SUN2: variants seen among roughly 807,000 people sequenced by gnomAD.
SUN2 encodes SUN domain-containing protein 2.
In SUN2, 60 loss-of-function variants were observed where a neutral mutation model predicts 100.0. The ratio of observed to expected loss-of-function variants is 0.60; its 90% CI spans 0.49 to 0.74. The LOEUF (loss-of-function observed/expected upper bound fraction) is 0.74, where lower values mean the gene tolerates loss of function less well. Ranked by LOEUF, SUN2 falls within the 30% of genes least tolerant of loss-of-function variation. The probability of loss-of-function intolerance (pLI) is 0.00; values close to 1 mark genes in which losing one functional copy is unlikely to be tolerated. For synonymous variants in SUN2, 367 were observed against 403.3 expected, an observed-to-expected ratio of 0.91 and a Z score of 1.08; for missense variants, 834 against 954.6, an observed-to-expected ratio of 0.87 and a Z score of 1.66.
In SUN2 at chr22:38,749,757, C is replaced by G; in HGVS notation, c.614+9G>C. 6.2e-7 allele frequency: 1 copy of G among 1,613,944 alleles called. No individual in the cohort carries two copies. The highest frequency in any genetic ancestry group is 1.7e-5 in the Admixed American group (1 of 60,000). On this transcript the variant is annotated intron_variant, in intron 6 of 17. Transcript: ENST00000689035. ...TGCGATTTATTGGCAAGGGTGGAGTCTCGCTCACCTGGTTAAAACGAAGAC... is the reference window on the plus strand; with the variant it reads ...TGCGATTTATTGGCAAGGGTGGAGTGTCGCTCACCTGGTTAAAACGAAGAC...
intron 8 of SUN2, chr22:38,743,908 C>T (rs138711): frequency 0.48 from 72,653 of 151,936 alleles, 19,914 homozygotes; most frequent in African/African-American, 0.77. Flanking sequence ...ATTGGAAAGA[C>T]CATGGTCTGG....
Position 38,739,633 on chromosome 22 carries a change from T to G in SUN2, c.1578+89A>C. 6.7e-7 allele frequency: 1 copy of G among 1,492,370 alleles called. No individual in the cohort carries two copies. Among genetic ancestry groups the G allele is most frequent in the Non-Finnish European group, 9.2e-7 (1 of 1,089,494 alleles). The allele number at this position is 1,492,370 out of a possible 1,614,324, so 92.4% of individuals were successfully genotyped here. ...TGCTTGGCACTTCCATCCTGGAACC[T>G]GCCAGGGAGCTGGCAGTGTGGGACT... On this transcript the variant is annotated intron_variant, in intron 13 of 17. Transcript: ENST00000689035. The surrounding 1 kb of genome is among the most constrained non-coding windows in gnomAD (Gnocchi z 6.7).
Position 38,738,502 on chromosome 22 carries a change from G to GTCTAC in SUN2, c.1947+84_1947+85insGTAGA. Reference sequence around the variant, plus strand: ...TCCACTCCCCTCCCTTCCAGTCCAAGGGTGACCCTGACTTGATCCTCAGTA... The same window carrying GTCTAC: ...TCCACTCCCCTCCCTTCCAGTCCAAGTCTACGGTGACCCTGACTTGATCCTCAGTA... On this transcript the variant is annotated intron_variant, in intron 16 of 17. Transcript: ENST00000689035. The surrounding 1 kb of genome is among the most constrained non-coding windows in gnomAD (Gnocchi z 6.6). 1 of 1,535,320 alleles carries GTCTAC rather than the reference G, an allele frequency of 6.5e-7. No individual in the cohort carries two copies. Among genetic ancestry groups the GTCTAC allele is most frequent in the South Asian group, 1.2e-5 (1 of 82,568 alleles).
Position 38,751,002 on chromosome 22 carries a change from G to C in SUN2, c.320C>G (p.Thr107Arg), listed in dbSNP as rs775966191. 1 of 1,613,648 alleles carries C rather than the reference G, an allele frequency of 6.2e-7. No homozygotes were observed. Among genetic ancestry groups the C allele is most frequent in the Non-Finnish European group, 8.5e-7 (1 of 1,179,906 alleles). ...GGCCCTGCTGCTCTCTGAGCCACCC[G>C]TGCCTCTCCTCCTCCGCACCCGCAG... Reference protein sequence around the residue: ...EDLRVRRRRGTGGSESSRASG... With the variant: ...EDLRVRRRRGRGGSESSRASG... The change falls in exon 4 of 18, where the codon ACG becomes AGG. Residue 107 changes from threonine to arginine, a missense_variant. Coordinates refer to ENST00000689035, the MANE Select transcript of SUN2 (RefSeq NM_015374.3).
Position 38,740,640 on chromosome 22 carries a change from C to A in SUN2, c.1191-208G>T, listed in dbSNP as rs2092848682. The stretch of plus-strand genomic sequence containing the variant: ...CCAAGGAGCTAATTCTGAGCCTGCT[C>A]CCTTTCTAAGCCCAGAGTCCAGAAT... On this transcript the variant is annotated intron_variant, in intron 11 of 17. Transcript: ENST00000689035. The surrounding 1 kb of genome is among the most constrained non-coding windows in gnomAD (Gnocchi z 4.8). The A allele has an allele frequency of 1.8e-6, 1 of 569,446 alleles. No homozygotes were observed. Among genetic ancestry groups the A allele is most frequent in the Admixed American group, 3.3e-5 (1 of 29,928 alleles). 35.3% of individuals were successfully genotyped at this position (569,446 alleles called of 1,614,324 possible). A position where few individuals can be genotyped will look rare whatever the true frequency, so the allele number is the denominator to read the frequency against.
rs2092858382 is a variant in SUN2, at chr22:38,741,585, G to A, written c.1069-14C>T. Reference sequence around the variant, plus strand: ...AGACAGTTCTTCCTGTGAGACGGGAGTGAGAGGACAGGTTGGACAGAGCCA... The same window carrying A: ...AGACAGTTCTTCCTGTGAGACGGGAATGAGAGGACAGGTTGGACAGAGCCA... On this transcript the variant is annotated splice_polypyrimidine_tract_variant and intron_variant, in intron 9 of 17. Transcript: ENST00000689035. 1.2e-6 allele frequency: 2 copies of A among 1,613,308 alleles called. No individual in the cohort carries two copies. Among genetic ancestry groups the A allele is most frequent in the African/African-American group, 2.7e-5 (2 of 74,936 alleles).
intron 2 of SUN2, 23 bp from the exon 3 acceptor site, chr22:38,751,396 G>A (rs1385050183): frequency 6.2e-7 from 1 of 1,611,698 alleles, no homozygotes; most frequent in Non-Finnish European, 8.5e-7. Context: ...CATGAGGGCA[G>A]AGGTAGGGAG....
Position 38,739,204 on chromosome 22 carries a change from G to T in SUN2, c.1663+138C>A. 4 of 1,051,598 alleles carry T rather than the reference G, an allele frequency of 3.8e-6. 1 individual carries two copies. The highest frequency in any genetic ancestry group is 2.8e-5 in the South Asian group (2 of 72,050). 65.1% of individuals were successfully genotyped at this position (1,051,598 alleles called of 1,614,324 possible). Reference sequence around the variant, plus strand: ...CTTCCCTGAATTGCCACTTGCCTTTGTCATGGGTACTAGGTTGGGTGATTT... The same window carrying T: ...CTTCCCTGAATTGCCACTTGCCTTTTTCATGGGTACTAGGTTGGGTGATTT... On this transcript the variant is annotated intron_variant, in intron 14 of 17. Transcript: ENST00000689035. This position sits in a 1 kb window ranked among gnomAD's most constrained non-coding sequence, Gnocchi z 6.7.
chr22:38,736,487 G>T, intron 17 of SUN2, 107 bp from the exon 18 acceptor site: 1 of 827,672 alleles, frequency 1.2e-6, no homozygotes, highest in Non-Finnish European at 1.8e-6. Context: ...TGGCTCCCCT[G>T]CTCCTTCCCT....
Position 38,736,349 on chromosome 22 carries a change from T to C in SUN2, c.2072A>G (p.Glu691Gly). 1 of 1,613,884 alleles carries C rather than the reference T, an allele frequency of 6.2e-7. No homozygotes were observed. The highest frequency in any genetic ancestry group is 8.5e-7 in the Non-Finnish European group (1 of 1,179,858). The change falls in exon 18 of 18, where the codon GAG becomes GGG. Residue 691 changes from glutamate (E) to glycine (G), a missense_variant. By Grantham distance (98) the Glu-to-Gly change is moderately conservative. Coordinates refer to ENST00000689035, the MANE Select transcript of SUN2 (RefSeq NM_015374.3). ...GCCCCAGTTAGTCAGGATCCGCAGC[T>C]CCACCACCTGGTACGTGGCCATCGT... ...APTMATYQVV[E>G]LRILTNWGHP...
rs557154751 is a variant in SUN2, at chr22:38,740,635, C to G, written c.1191-203G>C. ...CTGTCCCAAGGAGCTAATTCTGAGC[C>G]TGCTCCCTTTCTAAGCCCAGAGTCC... On this transcript the variant is annotated intron_variant, in intron 11 of 17. Transcript: ENST00000689035. The surrounding 1 kb of genome is among the most constrained non-coding windows in gnomAD (Gnocchi z 4.8). The G allele has an allele frequency of 5.2e-6, 3 of 575,752 alleles. No individual in the cohort carries two copies. The South Asian group carries it at 8.1e-5, about 15-fold the overall frequency. 35.7% of individuals were successfully genotyped at this position (575,752 alleles called of 1,614,324 possible). A position where few individuals can be genotyped will look rare whatever the true frequency, so the allele number is the denominator to read the frequency against.
In SUN2 at chr22:38,737,854, G is replaced by T; in HGVS notation, c.2040+319C>A. On this transcript the variant is annotated intron_variant, in intron 17 of 17. Transcript: ENST00000689035. This position sits in a 1 kb window ranked among gnomAD's most constrained non-coding sequence, Gnocchi z 4.1. ...TGGTAGAATGCCCGCGCCCTGGCATGTGCTGGCGGCGGCTCCTCGAACGCC... is the reference window on the plus strand; with the variant it reads ...TGGTAGAATGCCCGCGCCCTGGCATTTGCTGGCGGCGGCTCCTCGAACGCC... The T allele has an allele frequency of 1.8e-6, 1 of 553,854 alleles. No individual in the cohort carries two copies. 34.3% of individuals were successfully genotyped at this position (553,854 alleles called of 1,614,324 possible).
chr22:38,741,974 C>G (rs972491677), intron 9 of SUN2, among the ~76,000 whole-genome samples: 11 of 152,010 alleles, frequency 7.2e-5, no homozygotes, highest in Admixed American at 1.3e-4. Context: ...AACCCTGTCT[C>G]TACTAAAAAT....
At chr22:38,748,808 G>A (rs375938558) in intron 6 of SUN2, 25 bp from the exon 7 acceptor site, 50 of 1,613,382 alleles carry the variant, frequency 3.1e-5, no homozygotes, top group Admixed American at 2.7e-4. Flanking sequence ...AGGGCAGGAC[G>A]GGGGAGGCGG....
chr22:38,736,089 A>G lies in SUN2; in HGVS notation c.*178T>C. 1 of 685,226 alleles carries G rather than the reference A, an allele frequency of 1.5e-6. No individual in the cohort carries two copies. Among genetic ancestry groups the G allele is most frequent in the Non-Finnish European group, 2.7e-6 (1 of 372,338 alleles). 42.4% of individuals were successfully genotyped at this position (685,226 alleles called of 1,614,324 possible). On this transcript the variant is annotated 3_prime_UTR_variant, in exon 18 of 18. Coordinates refer to ENST00000689035, the MANE Select transcript of SUN2 (RefSeq NM_015374.3). ...AAGAAGGGAGCTGCTGGAGCCTGCT[A>G]ACCGCCTCGAGCCACCTGCTGCTCA...
intron 4 of SUN2, 81 bp from the exon 5 acceptor site, chr22:38,750,401 A>G: frequency 6.3e-7 from 1 of 1,574,904 alleles, no homozygotes; most frequent in Non-Finnish European, 8.6e-7. Context: ...CCAAGACCAC[A>G]AGTCACCCAC....
rs1434260555 is a variant in SUN2, at chr22:38,755,719, G to A, written c.-38+44C>T. 126 of 984,782 alleles carry A rather than the reference G, an allele frequency of 1.3e-4. No homozygotes were observed. The highest frequency in any genetic ancestry group is 1.5e-4 in the Non-Finnish European group (124 of 829,750). The allele number at this position is 984,782 out of a possible 1,614,324, so 61.0% of individuals were successfully genotyped here. ...CCCGACGGTGACCCGGGGTCAGGCC[G>A]GGCCGCGGCCCCCCAACCCTCTCCT... On this transcript the variant is annotated intron_variant, in intron 1 of 17. Transcript: ENST00000689035. This position sits in a 1 kb window ranked among gnomAD's most constrained non-coding sequence, Gnocchi z 5.7.
At position 38,740,038 on chromosome 22, in the gene SUN2, G is replaced by T; in HGVS notation, c.1357-95C>A. 7.1e-7 allele frequency: 1 copy of T among 1,414,272 alleles called. No individual in the cohort carries two copies. Among genetic ancestry groups the T allele is most frequent in the Non-Finnish European group, 9.6e-7 (1 of 1,039,914 alleles). 87.6% of individuals were successfully genotyped at this position (1,414,272 alleles called of 1,614,324 possible). A position where few individuals can be genotyped will look rare whatever the true frequency, so the allele number is the denominator to read the frequency against. The stretch of plus-strand genomic sequence containing the variant: ...AGTGCTTAGCTGGATAGCAGGGATA[G>T]GGTAGGAGGGAGGCCACTGGAGGAA... On this transcript the variant is annotated intron_variant, in intron 12 of 17. Coordinates refer to ENST00000689035, the MANE Select transcript of SUN2 (RefSeq NM_015374.3). The surrounding 1 kb of genome is among the most constrained non-coding windows in gnomAD (Gnocchi z 4.8).
Position 38,749,784 on chromosome 22 carries a change from T to C in SUN2, c.596A>G (p.Asp199Gly). The change falls in exon 6 of 18, where the codon GAC becomes GGC. Residue 199 changes from aspartate (D) to glycine (G), a missense_variant. Physicochemically the swap from Asp to Gly is moderately conservative, Grantham distance 94. Coordinates refer to ENST00000689035, the MANE Select transcript of SUN2 (RefSeq NM_015374.3). ...CGCTCACCTGGTTAAAACGAAGACG[T>C]CAAGGAGGGAGGCAGCTGTGGTCAG... The part of the protein sequence containing the change: ...YRLTTAASLL[D>G]VFVLTRRFSS... The C allele has an allele frequency of 6.2e-7, 1 of 1,614,054 alleles. No individual in the cohort carries two copies. Among genetic ancestry groups the C allele is most frequent in the Non-Finnish European group, 8.5e-7 (1 of 1,179,978 alleles).
Sources: gnomAD v4.1 joint callset for allele counts (sites outside exome capture counted in the v4.1 genomes callset) on GRCh38, gnomAD v4.1.1 for gene constraint, Gnocchi (gnomAD v3.1) non-coding constraint, MANE v1.5 for transcripts, NCBI Gene and HGNC (gene_info 2026-07-23, HGNC 2026-07-21) for gene names.